NCAM2: variants seen among roughly 807,000 people sequenced by gnomAD.
NCAM2 encodes the protein N-CAM-2.
In NCAM2, 30 loss-of-function variants were observed where a neutral mutation model predicts 98.1. The observed-to-expected ratio is 0.31, with a 90% CI of 0.23 to 0.41. The LOEUF is 0.41. NCAM2 is among the 10% of genes least tolerant of loss of function. The pLI is 1.00. For missense variants in NCAM2, 867 were observed against 1,005.8 expected, an observed-to-expected ratio of 0.86 and a Z score of 1.87; for synonymous variants, 368 against 342.4, an observed-to-expected ratio of 1.07 and a Z score of -0.83.
At chr21:21,513,495 A>G (rs377236684) in intron 16 of NCAM2, among the ~76,000 whole-genome samples, 1 of 151,516 alleles carries the variant, frequency 6.6e-6, no homozygotes, top group Non-Finnish European at 1.5e-5. Context: ...ATGTGTTTCT[A>G]TTGTTTCCAA....
intron 1 of NCAM2, among the ~76,000 whole-genome samples, chr21:21,004,818 A>G (rs1017831945): frequency 2.0e-5 from 3 of 152,116 alleles, no homozygotes; most frequent in Non-Finnish European, 4.4e-5. Context: ...CAGGGAGTTT[A>G]AATAACTAAG....
chr21:21,280,936 A>G (rs2072907401), intron 2 of NCAM2, among the ~76,000 whole-genome samples: 1 of 151,808 alleles, frequency 6.6e-6, no homozygotes, highest in Admixed American at 6.6e-5. Flanking sequence ...GCTCACCACC[A>G]TGCCTGGCTA....
intron 5 of NCAM2, among the ~76,000 whole-genome samples, chr21:21,293,536 T>A (rs2147587098): frequency 6.6e-6 from 1 of 151,968 alleles, no homozygotes; most frequent in South Asian, 2.1e-4. Context: ...TATTTTTCAA[T>A]GGTCTTTCTA....
At chr21:21,455,323 T>A (rs1011568561) in intron 12 of NCAM2, among the ~76,000 whole-genome samples, 1 of 151,856 alleles carries the variant, frequency 6.6e-6, no homozygotes, top group Non-Finnish European at 1.5e-5. Context: ...TTTTTACATT[T>A]ATACCTACAA....
chr21:21,414,354 G>A (rs909741568), intron 10 of NCAM2, among the ~76,000 whole-genome samples: 17 of 152,074 alleles, frequency 1.1e-4, no homozygotes, highest in Admixed American at 6.5e-4. Flanking sequence ...TCTTAATGGC[G>A]TCAGCATGGT....
intron 1 of NCAM2, among the ~76,000 whole-genome samples, chr21:21,220,968 A>C (rs796409443): frequency 6.6e-6 from 1 of 152,158 alleles, no homozygotes; most frequent in East Asian, 1.9e-4. Flanking sequence ...TAAGTCTGTC[A>C]GTGCTATTTT....
intron 2 of NCAM2, among the ~76,000 whole-genome samples, chr21:21,281,423 G>C (rs1409907553): frequency 2.0e-5 from 3 of 152,092 alleles, no homozygotes; most frequent in African/African-American, 4.8e-5. Flanking sequence ...TGAAGAAATA[G>C]TTATTTAGTC....
intron 9 of NCAM2, among the ~76,000 whole-genome samples, chr21:21,404,266 A>G (rs1022397321): frequency 6.6e-6 from 1 of 152,142 alleles, no homozygotes; most frequent in African/African-American, 2.4e-5. Flanking sequence ...TTGTATGTAT[A>G]TGTGTACAAT....
chr21:21,070,549 T>C (rs2065540957), intron 1 of NCAM2, among the ~76,000 whole-genome samples: 1 of 152,022 alleles, frequency 6.6e-6, no homozygotes, highest in African/African-American at 2.4e-5. Context: ...AACATGAGTA[T>C]TTATTTAAAG....
At chr21:21,210,113 G>T (rs954898424) in intron 1 of NCAM2, among the ~76,000 whole-genome samples, 10 of 152,150 alleles carry the variant, frequency 6.6e-5, no homozygotes, top group Non-Finnish European at 1.3e-4. Flanking sequence ...TGCATTGATA[G>T]ATCAAACTTG....
At chr21:21,102,439 T>A (rs1238898836) in intron 1 of NCAM2, among the ~76,000 whole-genome samples, 1 of 152,046 alleles carries the variant, frequency 6.6e-6, no homozygotes, top group African/African-American at 2.4e-5. Context: ...ATGGTATAGA[T>A]TTTATTAAGG....
chr21:21,343,999 G>A (rs1309339277), intron 8 of NCAM2, among the ~76,000 whole-genome samples: 1 of 152,108 alleles, frequency 6.6e-6, no homozygotes, highest in Non-Finnish European at 1.5e-5. Flanking sequence ...TCTTTATTCT[G>A]ATTGACGAGA....
intron 1 of NCAM2, among the ~76,000 whole-genome samples, chr21:21,208,544 T>C (rs760053557): frequency 5.2e-4 from 79 of 152,296 alleles, no homozygotes; most frequent in Non-Finnish European, 9.0e-4. Flanking sequence ...TTATTTTAGC[T>C]TCTTTATGGT....
chr21:21,022,968 T>G (rs2064467131), intron 1 of NCAM2, among the ~76,000 whole-genome samples: 1 of 152,156 alleles, frequency 6.6e-6, no homozygotes, highest in South Asian at 2.1e-4. Context: ...CATAAAATAT[T>G]TACTTTAAAA....
chr21:21,395,544 A>G (rs1274055745), intron 9 of NCAM2, among the ~76,000 whole-genome samples: 1 of 152,170 alleles, frequency 6.6e-6, no homozygotes, highest in East Asian at 1.9e-4. Context: ...TGGGACCACA[A>G]AAGAGCCCTC....
chr21:21,486,260 C>T (rs959190940), intron 15 of NCAM2, among the ~76,000 whole-genome samples: 3 of 144,386 alleles, frequency 2.1e-5, no homozygotes, highest in Admixed American at 7.0e-5. Context: ...GCCGAGATCG[C>T]GCCACTGCAC....
At chr21:21,315,759 G>C (rs769045485) in intron 5 of NCAM2, among the ~76,000 whole-genome samples, 28 of 152,232 alleles carry the variant, frequency 1.8e-4, no homozygotes, top group Non-Finnish European at 3.5e-4. Flanking sequence ...CTCACAGTTT[G>C]TCTGGTGATA....
At chr21:21,454,111 G>A (rs1383629304) in intron 12 of NCAM2, among the ~76,000 whole-genome samples, 3 of 151,786 alleles carry the variant, frequency 2.0e-5, no homozygotes, top group African/African-American at 7.3e-5. Flanking sequence ...TATATATATA[G>A]ACACACACAG....
At chr21:21,069,791 C>G (rs1463879447) in intron 1 of NCAM2, among the ~76,000 whole-genome samples, 1 of 152,162 alleles carries the variant, frequency 6.6e-6, no homozygotes, top group East Asian at 1.9e-4. Flanking sequence ...TTATTTCCAA[C>G]TCCTCTCGAT....
Sources: gnomAD v4.1 joint callset for allele counts (sites outside exome capture counted in the v4.1 genomes callset) on GRCh38, gnomAD v4.1.1 for gene constraint, MANE v1.5 for transcripts, NCBI Gene and HGNC (gene_info 2026-07-23, HGNC 2026-07-21) for gene names.